KCNQ3: variants seen among roughly 807,000 people sequenced by gnomAD.
KCNQ3 encodes potassium voltage-gated channel subfamily Q member 3.
In KCNQ3, 30 loss-of-function variants were observed where a neutral mutation model predicts 92.5. The ratio of observed to expected loss-of-function variants is 0.32; its 90% CI spans 0.24 to 0.44. The LOEUF is 0.44. KCNQ3 is among the 20% of genes least tolerant of loss of function. KCNQ3 has a pLI of 1.00. For synonymous variants in KCNQ3, 450 were observed against 468.8 expected (o/e 0.96, Z 0.52); for missense variants, 913 against 1,140.3 (o/e 0.80, Z 2.87).
intron 1 of KCNQ3, among the ~76,000 whole-genome samples, chr8:132,187,803 A>AGTGATGGTGGTGGCGGTGGTGGTG (rs1827028669): frequency 1.3e-5 from 1 of 78,634 alleles, no homozygotes; most frequent in African/African-American, 4.9e-5. Context: ...TGGTGGTGAT[A>AGTGATGGTGGTGGCGGTGGTGGTG]GTGATGGTGG....
intron 4 of KCNQ3, among the ~76,000 whole-genome samples, chr8:132,177,012 C>T (rs923199887): frequency 7.9e-5 from 12 of 152,286 alleles, no homozygotes; most frequent in South Asian, 2.1e-4. Context: ...AATTTGAGGA[C>T]GGAAACGTAC....
chr8:132,343,081 C>T (rs113105367), intron 1 of KCNQ3, among the ~76,000 whole-genome samples: 11 of 152,348 alleles, frequency 7.2e-5, no homozygotes, highest in African/African-American at 2.6e-4. Flanking sequence ...TTCAATCCAA[C>T]CCTGCTGTAA....
At chr8:132,191,507 T>A (rs1827157257) in intron 1 of KCNQ3, among the ~76,000 whole-genome samples, 1 of 151,258 alleles carries the variant, frequency 6.6e-6, no homozygotes, top group Admixed American at 6.6e-5. Context: ...CATACATATA[T>A]ATGTATCTCT....
chr8:132,243,135 T>C (rs913709556), intron 1 of KCNQ3, among the ~76,000 whole-genome samples: 1 of 152,188 alleles, frequency 6.6e-6, no homozygotes, highest in Non-Finnish European at 1.5e-5. Flanking sequence ...CTGATTAATA[T>C]CCCAGCTCAA....
At chr8:132,467,985 T>C (rs1822213053) in intron 1 of KCNQ3, among the ~76,000 whole-genome samples, 1 of 152,216 alleles carries the variant, frequency 6.6e-6, no homozygotes, top group African/African-American at 2.4e-5. Context: ...CCTGGGCCTC[T>C]GTTTCCTCTT....
At chr8:132,279,800 G>A (rs1206058962) in intron 1 of KCNQ3, among the ~76,000 whole-genome samples, 1 of 152,048 alleles carries the variant, frequency 6.6e-6, no homozygotes, top group Non-Finnish European at 1.5e-5. Flanking sequence ...ATACTTATGT[G>A]CACATATGTG....
chr8:132,155,222 C>A (rs1190683660), intron 9 of KCNQ3, among the ~76,000 whole-genome samples: 2 of 152,186 alleles, frequency 1.3e-5, no homozygotes, highest in African/African-American at 4.8e-5. Flanking sequence ...ATATGAGTTA[C>A]AATTCCCTGA....
intron 1 of KCNQ3, among the ~76,000 whole-genome samples, chr8:132,278,640 G>A (rs1293332679): frequency 6.6e-6 from 1 of 152,194 alleles, no homozygotes; most frequent in African/African-American, 2.4e-5. Flanking sequence ...TCCAAGTGTG[G>A]CCTGAAGACC....
intron 1 of KCNQ3, among the ~76,000 whole-genome samples, chr8:132,297,990 T>C (rs17656880): frequency 0.036 from 5,542 of 152,340 alleles, 167 homozygotes; most frequent in Non-Finnish European, 0.06. Flanking sequence ...CTTTCTTTGG[T>C]TGTTCAGATT....
chr8:132,234,338 GTTTTTTTTTTTTTTTT>G lies in KCNQ3; in HGVS notation c.387-48173_387-48158del, dbSNP rs756218792. 8.2e-5 allele frequency among the ~76,000 whole-genome samples: 7 copies of G among 85,670 alleles called. No individual in the cohort carries two copies. The Admixed American group carries it at 8.9e-4, about 11-fold the overall frequency. The allele number at this position is 85,670 out of a possible 152,430, so 56.2% of individuals were successfully genotyped here. On this transcript the variant is annotated intron_variant, in intron 1 of 14. Coordinates refer to ENST00000388996, the MANE Select transcript of KCNQ3 (RefSeq NM_004519.4). ...CTGTGCATAATTCTGTCCATGAAAA[GTTTTTTTTTTTTTTTT>G]TTTTTTTTTTTGGCAGGTGAAAGGC...
chr8:132,479,949 A>AACACACACACAC (rs371967111), intron 1 of KCNQ3, among the ~76,000 whole-genome samples, 198 bp downstream of exon 1: 2,026 of 137,142 alleles, frequency 0.015, 27 homozygotes, highest in South Asian at 0.028. Context: ...GGAGAGCGGC[A>AACACACACACAC]ACACACACAC....
intron 9 of KCNQ3, among the ~76,000 whole-genome samples, chr8:132,162,698 T>C (rs1490896789): frequency 2.0e-5 from 3 of 152,188 alleles, no homozygotes; most frequent in Non-Finnish European, 2.9e-5. Flanking sequence ...AATTGTCTCT[T>C]CCAAGTGGGA....
At chr8:132,458,035 C>T (rs1821982352) in intron 1 of KCNQ3, among the ~76,000 whole-genome samples, 3 of 152,162 alleles carry the variant, frequency 2.0e-5, no homozygotes, top group Admixed American at 2.0e-4. Flanking sequence ...CTGCCACTTC[C>T]ATCCACATCC....
chr8:132,456,516 C>T (rs1821943470), intron 1 of KCNQ3, among the ~76,000 whole-genome samples: 1 of 152,070 alleles, frequency 6.6e-6, no homozygotes, highest in Non-Finnish European at 1.5e-5. Context: ...TATTTTCCCC[C>T]ACTTTTGAAA....
At chr8:132,356,455 A>G (rs1819019606) in intron 1 of KCNQ3, among the ~76,000 whole-genome samples, 2 of 152,186 alleles carry the variant, frequency 1.3e-5, no homozygotes, top group African/African-American at 4.8e-5. Flanking sequence ...CCCTCTGGAT[A>G]TGAGAGCTGT....
At chr8:132,335,596 C>G (rs1235319701) in intron 1 of KCNQ3, among the ~76,000 whole-genome samples, 1 of 152,176 alleles carries the variant, frequency 6.6e-6, no homozygotes, top group Non-Finnish European at 1.5e-5. Context: ...TTGGGGATGT[C>G]AGGTCTCCTT....
intron 1 of KCNQ3, among the ~76,000 whole-genome samples, chr8:132,229,260 CA>C (rs377431481): frequency 0.018 from 2,084 of 118,760 alleles, 48 homozygotes; most frequent in African/African-American, 0.059. Flanking sequence ...GACTCCGTCT[CA>C]AAAAAAAAAA....
chr8:132,395,859 T>C (rs1820177262), intron 1 of KCNQ3, among the ~76,000 whole-genome samples: 2 of 152,192 alleles, frequency 1.3e-5, no homozygotes, highest in South Asian at 2.1e-4. Context: ...AGAGGAGGAA[T>C]GGACAGAACC....
intron 1 of KCNQ3, among the ~76,000 whole-genome samples, chr8:132,223,386 T>C (rs185200406): frequency 6.6e-6 from 1 of 152,318 alleles, no homozygotes; most frequent in Admixed American, 6.5e-5. Context: ...GAGGCACAGG[T>C]ATAAAAATGT....
Sources: allele counts gnomAD v4.1 joint callset (sites outside exome capture counted in the v4.1 genomes callset), GRCh38; gene constraint gnomAD v4.1.1; transcripts MANE v1.5; gene names NCBI Gene and HGNC (gene_info 2026-07-23, HGNC 2026-07-21).